The following APLP1 variants were observed in gnomAD, a reference collection of about 807,000 sequenced individuals.
The protein encoded by APLP1 is amyloid beta (A4) precursor-like protein 1.
A neutral mutation model predicts 84.5 loss-of-function variants in APLP1; 46 were observed. The ratio of observed to expected loss-of-function variants is 0.54; its 90% CI spans 0.43 to 0.70. The LOEUF (loss-of-function observed/expected upper bound fraction) is 0.70, where lower values mean the gene tolerates loss of function less well. Among genes scored for constraint, APLP1 ranks in the 30% least tolerant of loss-of-function variants. The pLI, the probability that APLP1 is intolerant of heterozygous loss-of-function variation, is 0.00. For synonymous variants in APLP1, 376 were observed against 364.0 expected (o/e 1.03, Z -0.38); for missense variants, 826 against 900.2 (o/e 0.92, Z 1.05).
chr19:35,878,418 T>A, intron 13 of APLP1, 166 bp from the exon 14 acceptor site: 1 of 692,684 alleles, frequency 1.4e-6, no homozygotes, highest in Non-Finnish European at 2.5e-6. Context: ...TGGTGGGGCA[T>A]GTCTGTAGTC....
In APLP1 at chr19:35,876,560, G is replaced by A. The variant is rs1974285433; in HGVS notation, c.1388G>A (p.Ser463Asn). The change falls in exon 11 of 17, where the codon AGC (serine) becomes AAC (asparagine). Residue 463 changes from serine (S) to asparagine (N), a missense_variant. Around this residue, in one of 3 missense-constraint regions of APLP1, gnomAD observed 433 missense variants for 496.5 expected, o/e 0.87. Transcript: ENST00000221891. ...GTGATTGAGGAGAGGGTGAATCAGA[G>A]CCTGGGCCTGCTTGACCAGAACCCC... ...LQVIEERVNQSLGLLDQNPHL... is the reference protein window; with the variant it reads ...LQVIEERVNQNLGLLDQNPHL... The A allele has an allele frequency of 1.2e-6, 2 of 1,613,608 alleles. No individual in the cohort carries two copies. Among genetic ancestry groups the A allele is most frequent in the Admixed American group, 1.7e-5 (1 of 59,890 alleles).
chr19:35,878,082 C>G lies in APLP1; in HGVS notation c.1553C>G (p.Ala518Gly). 1 of 1,612,692 alleles carries G rather than the reference C, an allele frequency of 6.2e-7. No individual in the cohort carries two copies. The highest frequency in any genetic ancestry group is 8.5e-7 in the Non-Finnish European group (1 of 1,179,440). The change falls in exon 13 of 17, where the codon GCA (alanine) becomes GGA (glycine). Residue 518 changes from alanine (A) to glycine (G), a missense_variant and splice_region_variant. By Grantham distance (60) the Ala-to-Gly change is moderately conservative. Transcript: ENST00000221891. ...CTCCCTTGCTTCCTCTGGCTGCCAGCAGACACCCCCATGACCCTTCCAAAA... is the reference window on the plus strand; with the variant it reads ...CTCCCTTGCTTCCTCTGGCTGCCAGGAGACACCCCCATGACCCTTCCAAAA... ...GGLQPPDSKDADTPMTLPKGS... is the reference protein window; with the variant it reads ...GGLQPPDSKDGDTPMTLPKGS...
intron 14 of APLP1, 40 bp from the exon 15 acceptor site, chr19:35,878,850 T>C: frequency 6.2e-7 from 1 of 1,609,130 alleles, no homozygotes; most frequent in Non-Finnish European, 8.5e-7. Context: ...AAGAAGCCAG[T>C]GCCAGGCTTC....
chr19:35,870,980 G>T lies in APLP1; in HGVS notation c.376G>T (p.Gly126Cys). The T allele has an allele frequency of 3.2e-6, 5 of 1,567,002 alleles. No individual in the cohort carries two copies. Among genetic ancestry groups the T allele is most frequent in the Non-Finnish European group, 4.3e-6 (5 of 1,158,046 alleles). ...GCGCTGGTGCGGGGGTTCCCGGAGCGGCAGCTGCGCCCACCCCCACCACCA... is the reference window on the plus strand; with the variant it reads ...GCGCTGGTGCGGGGGTTCCCGGAGCTGCAGCTGCGCCCACCCCCACCACCA... ...MERWCGGSRS[G>C]SCAHPHHQVV... is the part of the protein sequence containing the mutation. The change falls in exon 3 of 17, where the codon GGC becomes TGC. Residue 126 changes from glycine to cysteine, a missense_variant. Physicochemically the swap from Gly to Cys is radical, Grantham distance 159. Coordinates refer to ENST00000221891, the MANE Select transcript of APLP1 (RefSeq NM_001024807.3).
intron 4 of APLP1, 131 bp downstream of exon 4, chr19:35,871,480 TC>T: frequency 7.2e-7 from 1 of 1,384,272 alleles, no homozygotes; most frequent in Admixed American, 1.9e-5. Context: ...AAGAATTTCA[TC>T]CCCCAACCCC....
chr19:35,872,072 C>G (rs973398345), intron 6 of APLP1, 36 bp downstream of exon 6: 1 of 1,593,448 alleles, frequency 6.3e-7, no homozygotes, highest in Non-Finnish European at 8.6e-7. Context: ...GCCTCTCCAC[C>G]ATAGAGGGAG....
chr19:35,869,639 C>T, intron 1 of APLP1, 28 bp from the exon 2 acceptor site: 1 of 1,608,754 alleles, frequency 6.2e-7, no homozygotes, highest in Non-Finnish European at 8.5e-7. Flanking sequence ...CCCCCCGAGC[C>T]CTCACTGTCC....
chr19:35,877,786 G>A lies in APLP1; in HGVS notation c.1513G>A (p.Glu505Lys), dbSNP rs142258705. ...AGCCCCTGCCCCTGGGGGCAGCAGCGAGGACAAGGGTGGGCTGCAGCCTCC... is the reference window on the plus strand; with the variant it reads ...AGCCCCTGCCCCTGGGGGCAGCAGCAAGGACAAGGGTGGGCTGCAGCCTCC... The part of the protein sequence containing the change: ...LEAPAPGGSS[E>K]DKGGLQPPDS... Residue 505 changes from glutamate to lysine, a missense_variant, in exon 12 of 17, where the codon GAG becomes AAG. Physicochemically the swap from Glu to Lys is moderately conservative, Grantham distance 56. Around this residue, in one of 3 missense-constraint regions of APLP1, gnomAD observed 433 missense variants for 496.5 expected, o/e 0.87. Transcript: ENST00000221891. 1.4e-5 allele frequency: 22 copies of A among 1,610,328 alleles called. No individual in the cohort carries two copies. The highest frequency in any genetic ancestry group is 3.4e-5 in the Admixed American group (2 of 58,550).
intron 14 of APLP1, 34 bp downstream of exon 14, chr19:35,878,688 G>A: frequency 1.2e-6 from 2 of 1,612,210 alleles, no homozygotes; most frequent in Non-Finnish European, 1.7e-6. Flanking sequence ...TCCCTAAGGG[G>A]AACAAGATCG....
chr19:35,879,180 A>C lies in APLP1; in HGVS notation c.1820A>C (p.Lys607Thr). ...CTCTCCATGCTGCTCCTGCGCAGGA[A>C]GAAGCCCTACGGGGCTATCAGCCAT... ...IVLSMLLLRR[K>T]KPYGAISHGV... The change falls in exon 16 of 17, where the codon AAG (lysine) becomes ACG (threonine). Residue 607 changes from lysine (K) to threonine (T), a missense_variant. This residue lies in a region of APLP1 where 433 missense variants were observed against 496.5 expected (regional missense o/e 0.87). Coordinates refer to ENST00000221891, the MANE Select transcript of APLP1 (RefSeq NM_001024807.3). 6.2e-7 allele frequency: 1 copy of C among 1,613,128 alleles called. No homozygotes were observed. The highest frequency in any genetic ancestry group is 8.5e-7 in the Non-Finnish European group (1 of 1,180,014).
chr19:35,870,857 C>T, intron 2 of APLP1, 39 bp from the exon 3 acceptor site: 1 of 1,582,682 alleles, frequency 6.3e-7, no homozygotes, highest in Non-Finnish European at 8.6e-7. Context: ...CTGGCAGGGG[C>T]GGGGCAGTGG....
At chr19:35,869,611 G>A (rs540738922) in intron 1 of APLP1, 56 bp from the exon 2 acceptor site, 17 of 1,601,248 alleles carry the variant, frequency 1.1e-5, no homozygotes, top group Non-Finnish European at 1.3e-5. Context: ...AAAGAACCAG[G>A]GGACCCTCAT....
At chr19:35,869,904 AG>A (rs1974100002) in intron 2 of APLP1, 94 bp downstream of exon 2, 2 of 1,472,410 alleles carry the variant, frequency 1.4e-6, no homozygotes, top group African/African-American at 2.9e-5. Context: ...TAAGGCGTGG[AG>A]GCTGGGGGGC....
At position 35,871,386 on chromosome 19, in the gene APLP1, A is replaced by AC. The variant is rs777734160; in HGVS notation, c.537+40dup. ...GGCCCACCCGTCCCCAGCCCCCACA[A>AC]CCCAGGAACTGGGACCTCTAACACC... On this transcript the variant is annotated intron_variant, in intron 4 of 16. Coordinates refer to ENST00000221891, the MANE Select transcript of APLP1 (RefSeq NM_001024807.3). The AC allele has an allele frequency of 6.8e-5, 105 of 1,555,394 alleles. No individual in the cohort carries two copies. The South Asian group carries it at 1.1e-3, about 16-fold the overall frequency.
rs1385933793 is a variant in APLP1 at position 35,870,988 on chromosome 19, C to T, written c.384C>T (p.Cys128=). ...GCGGGGGTTCCCGGAGCGGCAGCTG[C>T]GCCCACCCCCACCACCAGGTTGTGC... ...RWCGGSRSGS[C]AHPHHQVVPF... The change falls in exon 3 of 17, where the codon TGC becomes TGT. Residue 128 remains cysteine (C), a synonymous_variant. Transcript: ENST00000221891. 6 of 1,557,226 alleles carry T rather than the reference C, an allele frequency of 3.9e-6. No homozygotes were observed. The highest frequency in any genetic ancestry group is 5.2e-6 in the Non-Finnish European group (6 of 1,152,740).
Position 35,876,534 on chromosome 19 carries a change from A to C in APLP1, c.1362A>C (p.Gln454His), listed in dbSNP as rs1302438985. 1.9e-6 allele frequency: 3 copies of C among 1,613,766 alleles called. No homozygotes were observed. Among genetic ancestry groups the C allele is most frequent in the Non-Finnish European group, 2.5e-6 (3 of 1,179,924 alleles). ...QMRFQVHTHL[Q>H]VIEERVNQSL... ...ACCCACAGGTGCATACCCACCTTCAAGTGATTGAGGAGAGGGTGAATCAGA... is the reference window on the plus strand; with the variant it reads ...ACCCACAGGTGCATACCCACCTTCACGTGATTGAGGAGAGGGTGAATCAGA... The change falls in exon 11 of 17, where the codon CAA becomes CAC. Residue 454 changes from glutamine (Q) to histidine (H), a missense_variant. By Grantham distance (24) the Gln-to-His change is conservative. This residue lies in a region of APLP1 where 433 missense variants were observed against 496.5 expected (regional missense o/e 0.87). Transcript: ENST00000221891.
At position 35,879,235 on chromosome 19, in the gene APLP1, G is replaced by A. The variant is rs1268226537; in HGVS notation, c.1857+18G>A. 1 of 1,610,748 alleles carries A rather than the reference G, an allele frequency of 6.2e-7. No homozygotes were observed. The highest frequency in any genetic ancestry group is 8.5e-7 in the Non-Finnish European group (1 of 1,178,564). On this transcript the variant is annotated intron_variant, in intron 16 of 16. Coordinates refer to ENST00000221891, the MANE Select transcript of APLP1 (RefSeq NM_001024807.3). Reference sequence around the variant, plus strand: ...TGGTGGAGGTGAGAACCATGGCGTGGTGGAGGTGTGGGAAGAGTTCCTGAG... The same window carrying A: ...TGGTGGAGGTGAGAACCATGGCGTGATGGAGGTGTGGGAAGAGTTCCTGAG...
At position 35,869,689 on chromosome 19, in the gene APLP1, C is replaced by T. The variant is rs748077934; in HGVS notation, c.170C>T (p.Ala57Val). The part of the protein sequence containing the change: ...AAEAPGSAQV[A>V]GLCGRLTLHR... ...CAGGCCCCGGGGTCGGCCCAGGTGG[C>T]TGGACTATGCGGGCGCCTAACCCTT... The change falls in exon 2 of 17, where the codon GCT becomes GTT. Residue 57 changes from alanine to valine, a missense_variant. Physicochemically the swap from Ala to Val is moderately conservative, Grantham distance 64. Coordinates refer to ENST00000221891, the MANE Select transcript of APLP1 (RefSeq NM_001024807.3). The T allele has an allele frequency of 2.5e-6, 4 of 1,611,664 alleles. No individual in the cohort carries two copies. In the East Asian group the frequency reaches 6.7e-5, roughly 27 times the overall value.
chr19:35,871,013 C>A lies in APLP1; in HGVS notation c.409C>A (p.Pro137Thr). The A allele has an allele frequency of 6.5e-7, 1 of 1,537,492 alleles. No homozygotes were observed. The highest frequency in any genetic ancestry group is 8.8e-7 in the Non-Finnish European group (1 of 1,142,514). Residue 137 changes from proline to threonine, a missense_variant, in exon 3 of 17, where the codon CCC (proline) becomes ACC (threonine). Pro to Thr is a conservative substitution (Grantham distance 38). Around this residue, in one of 3 missense-constraint regions of APLP1, gnomAD observed 383 missense variants for 378.3 expected, o/e 1.01. Transcript: ENST00000221891. ...SCAHPHHQVV[P>T]FRCLPGEFVS... ...CGCCCACCCCCACCACCAGGTTGTG[C>A]CCTTCCGCTGCCTGCGTGAGTCCCA...
Sources: allele counts gnomAD v4.1 joint callset, GRCh38; gene constraint gnomAD v4.1.1; regional missense constraint gnomAD v4.1.1; transcripts MANE v1.5; gene names NCBI Gene and HGNC (gene_info 2026-07-23, HGNC 2026-07-21).